Variants in PKD1L3 observed in about 807,000 individuals in gnomAD.
PKD1L3 encodes polycystin 1 like 3, transient receptor potential channel interacting.
A neutral mutation model predicts 184.1 loss-of-function variants in PKD1L3; 239 were observed. The ratio of observed to expected loss-of-function variants is 1.30; its 90% CI spans 1.17 to 1.45. The LOEUF (loss-of-function observed/expected upper bound fraction) is 1.45. PKD1L3 is among the 40% of genes most tolerant of loss of function. The pLI is 0.00. For missense variants in PKD1L3, 2,660 were observed against 2,067.2 expected, an observed-to-expected ratio of 1.29 and a Z score of -5.56; for synonymous variants, 996 against 778.8, an observed-to-expected ratio of 1.28 and a Z score of -4.64.
chr16:71,996,363 C>T (rs948014980), intron 2 of PKD1L3, among the ~76,000 whole-genome samples: 15 of 148,242 alleles, frequency 1.0e-4, no homozygotes, highest in East Asian at 2.0e-4. Context: ...CCGGTTCAAG[C>T]GATTCTCCTG....
intron 9 of PKD1L3, among the ~76,000 whole-genome samples, chr16:71,978,849 A>G (rs967042815): frequency 6.6e-6 from 1 of 152,048 alleles, no homozygotes; most frequent in Non-Finnish European, 1.5e-5. Context: ...CGGATATCAT[A>G]TATTAAATAT....
chr16:71,932,780 C>CTTTT (rs71153681), intron 28 of PKD1L3, among the ~76,000 whole-genome samples: 56 of 97,042 alleles, frequency 5.8e-4, no homozygotes, highest in African/African-American at 1.0e-3. Context: ...CGCACCTGGC[C>CTTTT]TTTTTTTTTT....
chr16:71,933,804 T>C, intron 27 of PKD1L3, 111 bp downstream of exon 27: 1 of 1,223,166 alleles, frequency 8.2e-7, no homozygotes, highest in Non-Finnish European at 1.1e-6. Flanking sequence ...TAAACCCGGC[T>C]TTCCTACTGT....
At chr16:71,991,455 T>C (rs1567554051) in intron 3 of PKD1L3, 1 of 152,876 alleles carries the variant, frequency 6.5e-6, no homozygotes, top group African/African-American at 2.4e-5. Context: ...GATTTCAAGA[T>C]GACAAAAAAA....
chr16:71,963,986 G>A (rs545209466), intron 15 of PKD1L3, among the ~76,000 whole-genome samples: 1 of 152,100 alleles, frequency 6.6e-6, no homozygotes, highest in African/African-American at 2.4e-5. Flanking sequence ...CATCATCAGG[G>A]GGCATAAATG....
chr16:71,951,085 G>C (rs543118005), intron 19 of PKD1L3, among the ~76,000 whole-genome samples: 2 of 151,584 alleles, frequency 1.3e-5, no homozygotes, highest in African/African-American at 2.4e-5. Flanking sequence ...TGTTGCCCAA[G>C]CTGGAGTGTA....
chr16:71,970,610 C>A (rs1342710248), intron 12 of PKD1L3, among the ~76,000 whole-genome samples: 1 of 151,994 alleles, frequency 6.6e-6, no homozygotes, highest in East Asian at 1.9e-4. Flanking sequence ...GAGTTTGAGA[C>A]CAGCCTGGAC....
chr16:71,999,838 T>C lies in PKD1L3; in HGVS notation c.141A>G (p.Ala47=). The change falls in exon 1 of 30, where the codon GCA becomes GCG. Residue 47 remains alanine (A), a synonymous_variant. Coordinates refer to ENST00000620267, the MANE Select transcript of PKD1L3 (RefSeq NM_181536.2). ...CTCTCTGCACATGACAGTAATGCTG[T>C]GCTTCCTCAAAGCTGCATTGAAATC... ...LNRFQCSFEE[A]QHYCHVQRGF... The C allele has an allele frequency of 6.4e-7, 1 of 1,551,776 alleles. No individual in the cohort carries two copies. The highest frequency in any genetic ancestry group is 8.7e-7 in the Non-Finnish European group (1 of 1,147,018).
rs1371957472 is a variant in PKD1L3, at chr16:71,993,266, T to G, written c.485A>C (p.His162Pro). 1.3e-5 allele frequency: 20 copies of G among 1,550,958 alleles called. No homozygotes were observed. Among genetic ancestry groups the G allele is most frequent in the Non-Finnish European group, 1.3e-5 (15 of 1,146,818 alleles). Residue 162 changes from histidine to proline, a missense_variant, in exon 3 of 30, where the codon CAC (histidine) becomes CCC (proline). Coordinates refer to ENST00000620267, the MANE Select transcript of PKD1L3 (RefSeq NM_181536.2). ...NGNNSHLYQR[H>P]KKTKRGVAIA... Reference sequence around the variant, plus strand: ...TGCAACTCCTCTTTTTGTCTTCTTGTGTCTCTGGTACAAATGGGAATTATT... The same window carrying G: ...TGCAACTCCTCTTTTTGTCTTCTTGGGTCTCTGGTACAAATGGGAATTATT...
chr16:71,994,797 G>C (rs940763341), intron 2 of PKD1L3, among the ~76,000 whole-genome samples: 9 of 152,004 alleles, frequency 5.9e-5, no homozygotes, highest in African/African-American at 2.2e-4. Context: ...TCAGGAGTTC[G>C]AGACCAGCCT....
chr16:71,954,988 T>C (rs1346463789), intron 16 of PKD1L3, among the ~76,000 whole-genome samples: 1 of 152,000 alleles, frequency 6.6e-6, no homozygotes. Context: ...CATGAAAGGA[T>C]ACTTGAGAAC....
chr16:71,976,415 C>T (rs2039927482), intron 11 of PKD1L3, among the ~76,000 whole-genome samples: 1 of 151,550 alleles, frequency 6.6e-6, no homozygotes, highest in South Asian at 2.1e-4. Context: ...GCCACCACAC[C>T]CATCTAATTT....
chr16:71,954,738 T>C (rs2038980886), intron 16 of PKD1L3, among the ~76,000 whole-genome samples: 1 of 152,130 alleles, frequency 6.6e-6, no homozygotes, highest in Non-Finnish European at 1.5e-5. Flanking sequence ...CAAAAAGACT[T>C]TGCTGGGCTT....
At chr16:71,975,980 G>A (rs979337580) in intron 11 of PKD1L3, among the ~76,000 whole-genome samples, 10 of 151,466 alleles carry the variant, frequency 6.6e-5, no homozygotes, top group Middle Eastern at 6.8e-3. Context: ...TTGAGGCAGG[G>A]TCTGTCACCC....
At chr16:71,937,569 C>G in intron 24 of PKD1L3, 150 bp from the exon 25 acceptor site, 4 of 884,292 alleles carry the variant, frequency 4.5e-6, no homozygotes, top group Non-Finnish European at 6.7e-6. Context: ...TTAGAGCTGT[C>G]ATGAACATTA....
intron 2 of PKD1L3, among the ~76,000 whole-genome samples, chr16:71,995,436 G>A (rs371923673): frequency 1.2e-4 from 19 of 152,242 alleles, no homozygotes; most frequent in African/African-American, 4.6e-4. Context: ...CATCCTTTCT[G>A]CCCTATTTTC....
In PKD1L3 at chr16:71,969,967, G is replaced by A. The variant is rs989943235; in HGVS notation, c.2092C>T (p.Pro698Ser). 6 of 1,551,676 alleles carry A rather than the reference G, an allele frequency of 3.9e-6. No individual in the cohort carries two copies. Among genetic ancestry groups the A allele is most frequent in the Admixed American group, 3.9e-5 (2 of 50,960 alleles). Residue 698 changes from proline to serine, a missense_variant, in exon 13 of 30, where the codon CCT becomes TCT. Physicochemically the swap from Pro to Ser is moderately conservative, Grantham distance 74. Coordinates refer to ENST00000620267, the MANE Select transcript of PKD1L3 (RefSeq NM_181536.2). ...CTGGCCAGCAGTGACACCCCAACAG[G>A]ATTGTTGGTCACGCGAAGGAACAGT... ...IKLFLRVTNN[P>S]VGVSLLASLL...
Position 71,950,375 on chromosome 16 carries a change from A to G in PKD1L3, c.3191-65T>C, listed in dbSNP as rs560518918. On this transcript the variant is annotated intron_variant, in intron 19 of 29. Transcript: ENST00000620267. ...TTCAATAAGAAGCAATTAGTGGTAG[A>G]GATTAACAATTCATTGATGGATGAT... 60 of 1,357,116 alleles carry G rather than the reference A, an allele frequency of 4.4e-5. No individual in the cohort carries two copies. The African/African-American group carries it at 7.0e-4, about 16-fold the overall frequency. 84.1% of individuals were successfully genotyped at this position (1,357,116 alleles called of 1,614,324 possible). A position where few individuals can be genotyped will look rare whatever the true frequency, so the allele number is the denominator to read the frequency against.
chr16:71,981,177 T>C (rs2040136258), intron 7 of PKD1L3, among the ~76,000 whole-genome samples: 1 of 152,216 alleles, frequency 6.6e-6, no homozygotes, highest in African/African-American at 2.4e-5. Context: ...TATTAAACCA[T>C]GCTGCTACAA....
Sources: gnomAD v4.1 joint callset for allele counts (sites outside exome capture counted in the v4.1 genomes callset) on GRCh38, gnomAD v4.1.1 for gene constraint, MANE v1.5 for transcripts, NCBI Gene and HGNC (gene_info 2026-07-23, HGNC 2026-07-21) for gene names.